The following PDIA3 variants were observed in gnomAD, a reference collection of about 807,000 sequenced individuals.
PDIA3 encodes the protein protein disulfide isomerase family A member 3.
A neutral mutation model predicts 56.9 loss-of-function variants in PDIA3; 16 were observed. That is an observed-to-expected ratio of 0.28 (90% CI 0.19 to 0.43). The LOEUF (loss-of-function observed/expected upper bound fraction) is 0.43, where lower values mean the gene tolerates loss of function less well. Ranked by LOEUF, PDIA3 falls within the 20% of genes least tolerant of loss-of-function variation. The pLI is 1.00. For missense variants in PDIA3, 485 were observed against 621.3 expected (o/e 0.78, Z 2.33); for synonymous variants, 192 against 216.5 (o/e 0.89, Z 0.99).
intron 8 of PDIA3, among the ~76,000 whole-genome samples, chr15:43,767,311 C>G (rs1338199474): frequency 1.3e-5 from 2 of 151,998 alleles, no homozygotes; most frequent in Non-Finnish European, 2.9e-5. Flanking sequence ...AGGATCGTGC[C>G]ATTGCACTCT....
intron 5 of PDIA3, among the ~76,000 whole-genome samples, chr15:43,763,819 C>A (rs1029904870): frequency 2.6e-5 from 4 of 151,306 alleles, no homozygotes; most frequent in African/African-American, 9.7e-5. Flanking sequence ...GAGGGGGTGA[C>A]TCTTGAAGGA....
intron 1 of PDIA3, among the ~76,000 whole-genome samples, chr15:43,750,194 TA>T (rs372943263): frequency 0.14 from 18,900 of 139,434 alleles, 1,820 homozygotes; most frequent in African/African-American, 0.24. Flanking sequence ...TTTTTTTTTT[TA>T]AGTAGAGACC....
chr15:43,761,620 G>T, intron 4 of PDIA3, 89 bp downstream of exon 4: 2 of 715,478 alleles, frequency 2.8e-6, no homozygotes, highest in South Asian at 3.6e-5. Context: ...AATTAAAGCA[G>T]TTAAGGAAAC....
intron 7 of PDIA3, among the ~76,000 whole-genome samples, chr15:43,766,525 C>T (rs1052036643): frequency 1.3e-5 from 2 of 152,164 alleles, no homozygotes; most frequent in Admixed American, 1.3e-4. Flanking sequence ...TTGGGTATCA[C>T]CAATTTGCCA....
intron 8 of PDIA3, among the ~76,000 whole-genome samples, chr15:43,767,769 CAAAA>C (rs11294471): frequency 1.4e-5 from 1 of 73,468 alleles, no homozygotes. Context: ...GACTCTGTCT[CAAAA>C]AAAAAAAAAA....
intron 3 of PDIA3, among the ~76,000 whole-genome samples, chr15:43,760,206 C>T (rs1247918221): frequency 6.6e-6 from 1 of 152,024 alleles, no homozygotes; most frequent in African/African-American, 2.4e-5. Context: ...TCCTGGGCAA[C>T]ATAGTGAGAC....
chr15:43,768,404 C>T (rs2086861439), intron 8 of PDIA3, 85 bp from the exon 9 acceptor site: 23 of 978,274 alleles, frequency 2.4e-5, no homozygotes, highest in Non-Finnish European at 3.6e-5. Flanking sequence ...AGCTAAAATA[C>T]ATAGTAACTA....
At chr15:43,752,172 T>C (rs556074455) in intron 1 of PDIA3, among the ~76,000 whole-genome samples, 5 of 152,228 alleles carry the variant, frequency 3.3e-5, no homozygotes, top group Non-Finnish European at 7.3e-5. Flanking sequence ...GAATGCATCA[T>C]GCTTACTGGT....
rs1345768488 is a variant in PDIA3, at chr15:43,766,911, G to A, written c.1028+1G>A. 1 of 1,613,700 alleles carries A rather than the reference G, an allele frequency of 6.2e-7. No homozygotes were observed. Among genetic ancestry groups the A allele is most frequent in the Non-Finnish European group, 8.5e-7 (1 of 1,179,756 alleles). Reference sequence around the variant, plus strand: ...AGTTTGTCATGCAGGAGGAGTTCTCGTGAGTTGCTAGTTGGGCTTTGATTC... The same window carrying A: ...AGTTTGTCATGCAGGAGGAGTTCTCATGAGTTGCTAGTTGGGCTTTGATTC... On this transcript the variant is annotated splice_donor_variant, in intron 8 of 12. Transcript: ENST00000300289. LOFTEE classifies it high-confidence loss of function.
intron 5 of PDIA3, among the ~76,000 whole-genome samples, chr15:43,764,671 T>C (rs1398263292): frequency 6.6e-6 from 1 of 152,212 alleles, no homozygotes; most frequent in Non-Finnish European, 1.5e-5. Flanking sequence ...TTTCATCATA[T>C]TAGCCAGTCT....
chr15:43,762,712 A>G (rs1294705471), intron 4 of PDIA3, among the ~76,000 whole-genome samples: 1 of 152,192 alleles, frequency 6.6e-6, no homozygotes, highest in African/African-American at 2.4e-5. Flanking sequence ...AAGGAAAAAA[A>G]TTGGGTGAAG....
At chr15:43,757,611 A>G (rs568801510) in intron 3 of PDIA3, among the ~76,000 whole-genome samples, 5 of 151,334 alleles carry the variant, frequency 3.3e-5, no homozygotes, top group African/African-American at 9.7e-5. Flanking sequence ...CTATAATCCC[A>G]GCACTTTGGG....
chr15:43,765,070 G>A (rs2086839443), intron 5 of PDIA3, among the ~76,000 whole-genome samples: 1 of 152,156 alleles, frequency 6.6e-6, no homozygotes, highest in South Asian at 2.1e-4. Flanking sequence ...AAAAGTGGCA[G>A]CAAAAGTACA....
intron 2 of PDIA3, among the ~76,000 whole-genome samples, chr15:43,755,397 T>A (rs1332747644): frequency 6.6e-6 from 1 of 152,142 alleles, no homozygotes; most frequent in Non-Finnish European, 1.5e-5. Flanking sequence ...ATGATGGTAA[T>A]ACGAAAATGA....
chr15:43,753,328 T>C (rs2086757028), intron 1 of PDIA3, among the ~76,000 whole-genome samples: 2 of 152,204 alleles, frequency 1.3e-5, no homozygotes, highest in Admixed American at 1.3e-4. Context: ...TCTACTCGCC[T>C]TGGCCTCCCA....
chr15:43,771,647 G>T lies in PDIA3; in HGVS notation c.*429G>T. On this transcript the variant is annotated 3_prime_UTR_variant, in exon 13 of 13. Coordinates refer to ENST00000300289, the MANE Select transcript of PDIA3 (RefSeq NM_005313.5). ...AATGCTCTGTAATCTACACTGTTCAGTACAGGTAGCTACGGAGCATCTGAA... is the reference window on the plus strand; with the variant it reads ...AATGCTCTGTAATCTACACTGTTCATTACAGGTAGCTACGGAGCATCTGAA... The T allele has an allele frequency of 5.0e-6, 2 of 401,760 alleles. No individual in the cohort carries two copies. The highest frequency in any genetic ancestry group is 8.8e-6 in the Non-Finnish European group (2 of 228,162). The allele number at this position is 401,760 out of a possible 1,614,324, so 24.9% of individuals were successfully genotyped here.
chr15:43,751,997 T>G (rs2141644556), intron 1 of PDIA3, among the ~76,000 whole-genome samples: 1 of 152,370 alleles, frequency 6.6e-6, no homozygotes, highest in South Asian at 2.1e-4. Flanking sequence ...GCCATTCCGG[T>G]CCAAGCTTTT....
chr15:43,746,841 A>C, intron 1 of PDIA3, 135 bp downstream of exon 1: 3 of 1,014,140 alleles, frequency 3.0e-6, no homozygotes, highest in African/African-American at 1.6e-5. Context: ...CACATTTCTC[A>C]TTCCCGGGAG....
chr15:43,769,784 C>T (rs2086870352), intron 10 of PDIA3, 138 bp downstream of exon 10: 1 of 888,168 alleles, frequency 1.1e-6, no homozygotes, highest in Non-Finnish European at 1.7e-6. Flanking sequence ...TACTCACTTT[C>T]TCGTGACTGC....
Sources: gnomAD v4.1 joint callset for allele counts (sites outside exome capture counted in the v4.1 genomes callset) on GRCh38, gnomAD v4.1.1 for gene constraint, MANE v1.5 for transcripts, NCBI Gene and HGNC (gene_info 2026-07-23, HGNC 2026-07-21) for gene names.